The following CFAP299 variants were observed in gnomAD, a reference collection of about 807,000 sequenced individuals.
CFAP299 encodes the protein cilia- and flagella-associated protein 299.
A neutral mutation model predicts 27.0 loss-of-function variants in CFAP299; 21 were observed. The ratio of observed to expected loss-of-function variants is 0.78; its 90% CI spans 0.55 to 1.12. CFAP299 has a LOEUF of 1.12. Ranked by LOEUF, CFAP299 falls within the 50% of genes most tolerant of loss-of-function variation. The pLI, the probability that CFAP299 is intolerant of heterozygous loss-of-function variation, is 0.00. For missense variants in CFAP299, 310 were observed against 276.6 expected (o/e 1.12, Z -0.86); for synonymous variants, 104 against 98.1 (o/e 1.06, Z -0.36).
chr4:80,866,058 A>ATT (rs1366098301), intron 3 of CFAP299, among the ~76,000 whole-genome samples: 7 of 20,058 alleles, frequency 3.5e-4, no homozygotes, highest in African/African-American at 4.7e-4. Flanking sequence ...AACTTAAAGT[A>ATT]TTATATATAT....
chr4:80,617,272 T>C (rs1187419660), intron 3 of CFAP299, among the ~76,000 whole-genome samples: 2 of 152,156 alleles, frequency 1.3e-5, no homozygotes, highest in African/African-American at 4.8e-5. Flanking sequence ...GCCATGTTGT[T>C]GCTAAGAAAC....
At chr4:80,890,514 TAAACATAC>T (rs1734213033) in intron 4 of CFAP299, among the ~76,000 whole-genome samples, 5 of 152,012 alleles carry the variant, frequency 3.3e-5, no homozygotes, top group Non-Finnish European at 5.9e-5. Flanking sequence ...AGTGCCGCAA[TAAACATAC>T]GTGTGCATGT....
chr4:80,683,912 A>T (rs532698937), intron 3 of CFAP299, among the ~76,000 whole-genome samples: 1 of 152,288 alleles, frequency 6.6e-6, no homozygotes, highest in East Asian at 1.9e-4. Flanking sequence ...CTCTATTATG[A>T]ACCTTTGTTG....
chr4:80,362,963 T>A, intron 2 of CFAP299, 79 bp downstream of exon 2: 1 of 1,458,500 alleles, frequency 6.9e-7, no homozygotes, highest in Non-Finnish European at 9.1e-7. Flanking sequence ...TTGCATTGTT[T>A]AATTTAGAAG....
Position 80,851,417 on chromosome 4 carries a change from T to A in CFAP299, c.334-18576T>A, listed in dbSNP as rs570868426. On this transcript the variant is annotated intron_variant, in intron 3 of 5. Coordinates refer to ENST00000358105, the MANE Select transcript of CFAP299 (RefSeq NM_152770.3). ...CCTCTTAACATTTTGTGAAAATAGA[T>A]GAAAATAAGAAAGACACTATGCATT... 6.6e-5 allele frequency among the ~76,000 whole-genome samples: 10 copies of A among 152,240 alleles called. No homozygotes were observed. The South Asian group carries it at 1.9e-3, about 28-fold the overall frequency.
At chr4:80,464,424 AC>A (rs1225547881) in intron 2 of CFAP299, among the ~76,000 whole-genome samples, 1 of 152,222 alleles carries the variant, frequency 6.6e-6, no homozygotes, top group African/African-American at 2.4e-5. Flanking sequence ...TGAAATGCTA[AC>A]TGGTATAGCC....
chr4:80,493,889 C>T (rs1731287549), intron 2 of CFAP299, among the ~76,000 whole-genome samples: 1 of 149,556 alleles, frequency 6.7e-6, no homozygotes, highest in South Asian at 2.2e-4. Flanking sequence ...CATTCTCCTG[C>T]CTCAGCCTCC....
At chr4:80,927,898 A>C (rs1164293143) in intron 4 of CFAP299, among the ~76,000 whole-genome samples, 1 of 152,162 alleles carries the variant, frequency 6.6e-6, no homozygotes, top group Non-Finnish European at 1.5e-5. Flanking sequence ...AGCACATAAC[A>C]TACTTGTGAA....
intron 4 of CFAP299, among the ~76,000 whole-genome samples, chr4:80,929,172 C>T (rs1578245838): frequency 6.6e-6 from 1 of 152,128 alleles, no homozygotes; most frequent in Admixed American, 6.6e-5. Flanking sequence ...CCCATCCAGT[C>T]TCTATGGCAA....
At chr4:80,693,098 G>A (rs1182378377) in intron 3 of CFAP299, among the ~76,000 whole-genome samples, 1 of 152,224 alleles carries the variant, frequency 6.6e-6, no homozygotes, top group Admixed American at 6.5e-5. Flanking sequence ...ACTGTTGGTG[G>A]GACTGTAAAC....
chr4:80,650,050 CA>C (rs1740209230), intron 3 of CFAP299, among the ~76,000 whole-genome samples: 3 of 151,486 alleles, frequency 2.0e-5, no homozygotes, highest in Admixed American at 6.6e-5. Flanking sequence ...AAAATAGTGA[CA>C]AAATAATCAT....
intron 3 of CFAP299, among the ~76,000 whole-genome samples, chr4:80,659,593 T>A (rs886167251): frequency 2.6e-5 from 4 of 152,000 alleles, no homozygotes; most frequent in Non-Finnish European, 5.9e-5. Context: ...TGAGAGATCA[T>A]GTATAACTCA....
chr4:80,945,000 A>C, intron 5 of CFAP299, 61 bp downstream of exon 5: 1 of 1,480,774 alleles, frequency 6.8e-7, no homozygotes, highest in Non-Finnish European at 9.3e-7. Context: ...TTCTGCCACT[A>C]TTCAAAAAAT....
At chr4:80,871,199 G>C (rs1390248780) in intron 4 of CFAP299, 1 of 985,364 alleles carries the variant, frequency 1.0e-6, no homozygotes, top group Non-Finnish European at 1.2e-6. Context: ...CAGCCACCGA[G>C]CCTGACTCCC....
chr4:80,573,243 T>A (rs1047523519), intron 2 of CFAP299, among the ~76,000 whole-genome samples: 2 of 152,188 alleles, frequency 1.3e-5, no homozygotes, highest in African/African-American at 4.8e-5. Context: ...CACCTTTTTA[T>A]ATGCCTATTT....
chr4:80,866,044 G>A (rs1422481377), intron 3 of CFAP299, among the ~76,000 whole-genome samples: 6 of 92,904 alleles, frequency 6.5e-5, no homozygotes, highest in Non-Finnish European at 7.1e-5. Context: ...CTTGTGCACC[G>A]TAGAACTTAA....
chr4:80,485,584 GTGT>G (rs1045949014), intron 2 of CFAP299, among the ~76,000 whole-genome samples: 11 of 151,994 alleles, frequency 7.2e-5, no homozygotes, highest in Non-Finnish European at 1.3e-4. Flanking sequence ...TTTGGTAGGT[GTGT>G]TAATTGTAAT....
intron 5 of CFAP299, among the ~76,000 whole-genome samples, chr4:80,963,091 C>T (rs939045617): frequency 6.6e-6 from 1 of 152,052 alleles, no homozygotes; most frequent in African/African-American, 2.4e-5. Context: ...CCACCATGGA[C>T]AGACACTTCC....
At position 80,916,888 on chromosome 4, in the gene CFAP299, CA is replaced by C. The variant is rs200186083; in HGVS notation, c.477-27913del. Among the ~76,000 whole-genome samples, 21 of 148,144 alleles carry C rather than the reference CA, an allele frequency of 1.4e-4. No homozygotes were observed. The South Asian group carries it at 2.6e-3, about 18-fold the overall frequency. On this transcript the variant is annotated intron_variant, in intron 4 of 5. Coordinates refer to ENST00000358105, the MANE Select transcript of CFAP299 (RefSeq NM_152770.3). ...GGTGAAGTAATATGTTCCATGTCTT[CA>C]AAAAAAAAGAAAATCTAGAAATAGG...
Sources: gnomAD v4.1 joint callset for allele counts (sites outside exome capture counted in the v4.1 genomes callset) on GRCh38, gnomAD v4.1.1 for gene constraint, MANE v1.5 for transcripts, NCBI Gene and HGNC (gene_info 2026-07-23, HGNC 2026-07-21) for gene names.